The following PTPRD variants were observed in gnomAD, a reference collection of about 807,000 sequenced individuals.
PTPRD encodes protein tyrosine phosphatase receptor type D.
Under a neutral mutation model 214.5 loss-of-function variants are expected in PTPRD, and 34 were observed. The ratio of observed to expected loss-of-function variants is 0.16; its 90% CI spans 0.12 to 0.21. The LOEUF (loss-of-function observed/expected upper bound fraction) is 0.21, where lower values mean the gene tolerates loss of function less well. PTPRD is among the 10% of genes least tolerant of loss of function. The probability of loss-of-function intolerance (pLI) is 1.00; values close to 1 mark genes in which losing one functional copy is unlikely to be tolerated. For synonymous variants in PTPRD, 1,128 were observed against 845.7 expected, an observed-to-expected ratio of 1.33 and a Z score of -5.79; for missense variants, 2,545 against 2,398.7, an observed-to-expected ratio of 1.06 and a Z score of -1.27.
At position 9,984,894 on chromosome 9, in the gene PTPRD, C is replaced by T. The variant is rs188931138; in HGVS notation, c.-471-46284G>A. On this transcript the variant is annotated intron_variant, in intron 4 of 45. Coordinates refer to ENST00000381196, the MANE Select transcript of PTPRD (RefSeq NM_002839.4). ...ACTCTCACACTCCTGACCAACCATG[C>T]ACACCCAAAAACCAAAGGGGAGTGC... Among the ~76,000 whole-genome samples, 438 of 152,226 alleles carry T rather than the reference C, an allele frequency of 2.9e-3. 2 individuals carry two copies. The highest frequency in any genetic ancestry group is 4.7e-3 in the Non-Finnish European group (322 of 67,990).
intron 19 of PTPRD, among the ~76,000 whole-genome samples, chr9:8,523,236 A>T (rs954190442): frequency 8.5e-5 from 13 of 152,130 alleles, no homozygotes; most frequent in African/African-American, 2.9e-4. Context: ...GGGACAGTGG[A>T]GCAGGAAGGA....
chr9:9,489,824 A>AAAG (rs71319284), intron 8 of PTPRD, among the ~76,000 whole-genome samples: 31,869 of 151,890 alleles, frequency 0.21, 3,464 homozygotes, highest in Non-Finnish European at 0.24. Flanking sequence ...AGGAAGAAAA[A>AAAG]AGATGAAAAA....
At chr9:9,853,802 C>T (rs112324038) in intron 5 of PTPRD, among the ~76,000 whole-genome samples, 5,135 of 152,194 alleles carry the variant, frequency 0.034, 94 homozygotes, top group Middle Eastern at 0.061. Flanking sequence ...ATGATCCGCC[C>T]GCCTCAGCCT....
intron 10 of PTPRD, among the ~76,000 whole-genome samples, chr9:9,080,687 T>C (rs775596078): frequency 2.6e-5 from 4 of 152,112 alleles, no homozygotes; most frequent in Non-Finnish European, 4.4e-5. Flanking sequence ...GATTCTAAAC[T>C]GTGTACTACA....
At chr9:8,923,177 G>C (rs1182531940) in intron 11 of PTPRD, among the ~76,000 whole-genome samples, 1 of 151,612 alleles carries the variant, frequency 6.6e-6, no homozygotes, top group Non-Finnish European at 1.5e-5. Flanking sequence ...AAGTAGCTGG[G>C]ATTACAGGCG....
chr9:10,223,295 T>A (rs988423923), intron 3 of PTPRD, among the ~76,000 whole-genome samples: 1 of 151,932 alleles, frequency 6.6e-6, no homozygotes, highest in African/African-American at 2.4e-5. Context: ...TTTGTCCATT[T>A]TATGCCCATG....
rs536198341 is a variant in PTPRD, at chr9:8,770,542, G to A, written c.-103-36596C>T. Among the ~76,000 whole-genome samples the A allele has an allele frequency of 7.3e-4, 111 of 152,252 alleles. 1 individual carries two copies. The South Asian group carries it at 0.014, about 20-fold the overall frequency. ...GATTTAATTATTATTAGACAATGGT[G>A]TAGTCAATCCCTCTAGGAAACTGAC... is the stretch of plus-strand genomic sequence containing the variant. On this transcript the variant is annotated intron_variant, in intron 11 of 45. Transcript: ENST00000381196.
intron 10 of PTPRD, among the ~76,000 whole-genome samples, chr9:9,177,761 T>A (rs2099925797): frequency 6.6e-6 from 1 of 152,134 alleles, no homozygotes; most frequent in Admixed American, 6.6e-5. Context: ...AGGCCGCTAT[T>A]TATAGTAGTC....
intron 3 of PTPRD, among the ~76,000 whole-genome samples, chr9:10,149,171 G>T (rs1324256366): frequency 6.6e-6 from 1 of 152,154 alleles, no homozygotes; most frequent in Non-Finnish European, 1.5e-5. Context: ...CATGAATGTA[G>T]ATATTAATTT....
rs1004712228 is a variant in PTPRD, at chr9:8,643,970, G to A, written c.65-7126C>T. On this transcript the variant is annotated intron_variant, in intron 12 of 45. Transcript: ENST00000381196. ...GGCTGTCAGCCCCACAGACCATAGT[G>A]GGAACTGGTGGTGCCTTTTCTGGGA... is the stretch of plus-strand genomic sequence containing the variant. Among the ~76,000 whole-genome samples the A allele has an allele frequency of 8.5e-5, 13 of 152,182 alleles. No homozygotes were observed. The East Asian group carries it at 2.5e-3, about 30-fold the overall frequency.
intron 2 of PTPRD, among the ~76,000 whole-genome samples, chr9:10,550,576 G>A (rs559795825): frequency 6.6e-6 from 1 of 152,304 alleles, no homozygotes; most frequent in East Asian, 1.9e-4. Context: ...CTGAAAGACA[G>A]GAAGGCTGGT....
At chr9:8,892,195 G>A (rs1231907394) in intron 11 of PTPRD, among the ~76,000 whole-genome samples, 1 of 152,096 alleles carries the variant, frequency 6.6e-6, no homozygotes, top group Non-Finnish European at 1.5e-5. Flanking sequence ...CTTTTCCTCA[G>A]CTTGTGATGG....
chr9:9,399,669 C>A (rs2141282155), intron 8 of PTPRD, among the ~76,000 whole-genome samples: 1 of 152,028 alleles, frequency 6.6e-6, no homozygotes, highest in Non-Finnish European at 1.5e-5. Flanking sequence ...CCATGTGGTT[C>A]TCATGATAGT....
In PTPRD at chr9:9,167,772, A is replaced by G. The variant is rs145717634; in HGVS notation, c.-143+15532T>C. Among the ~76,000 whole-genome samples the G allele has an allele frequency of 2.7e-3, 417 of 152,214 alleles. 1 individual carries two copies. The highest frequency in any genetic ancestry group is 9.8e-3 in the African/African-American group (406 of 41,552). Reference sequence around the variant, plus strand: ...CTCTGTCTTAAATAAATAAATAAATAAGGAGAAAAGTTCATTGTTTTCATC... The same window carrying G: ...CTCTGTCTTAAATAAATAAATAAATGAGGAGAAAAGTTCATTGTTTTCATC... On this transcript the variant is annotated intron_variant, in intron 10 of 45. Transcript: ENST00000381196.
intron 14 of PTPRD, among the ~76,000 whole-genome samples, chr9:8,623,719 G>A (rs901468891): frequency 5.9e-5 from 9 of 151,608 alleles, no homozygotes; most frequent in Non-Finnish European, 1.0e-4. Context: ...TTCTTATCTC[G>A]ACTTGATAGA....
intron 5 of PTPRD, among the ~76,000 whole-genome samples, chr9:9,825,125 T>A (rs981003509): frequency 6.6e-6 from 1 of 152,004 alleles, no homozygotes; most frequent in African/African-American, 2.4e-5. Context: ...ATTTATTTGA[T>A]GAAATACTTT....
chr9:9,076,199 T>C (rs1032971593), intron 10 of PTPRD, among the ~76,000 whole-genome samples: 1 of 152,066 alleles, frequency 6.6e-6, no homozygotes, highest in African/African-American at 2.4e-5. Flanking sequence ...GTTGGCTGCA[T>C]AAATGTCTTC....
At chr9:9,809,425 G>A (rs1052459307) in intron 5 of PTPRD, among the ~76,000 whole-genome samples, 6 of 151,618 alleles carry the variant, frequency 4.0e-5, no homozygotes, top group African/African-American at 1.2e-4. Flanking sequence ...CCACCACCAC[G>A]CCTGGCTAAT....
chr9:8,394,436 T>A (rs1352563674), intron 36 of PTPRD, among the ~76,000 whole-genome samples: 1 of 152,134 alleles, frequency 6.6e-6, no homozygotes, highest in East Asian at 1.9e-4. Context: ...AAGTCACGTG[T>A]GCATTTTAAA....
Sources: allele counts gnomAD v4.1 joint callset (sites outside exome capture counted in the v4.1 genomes callset), GRCh38; gene constraint gnomAD v4.1.1; transcripts MANE v1.5; gene names NCBI Gene and HGNC (gene_info 2026-07-23, HGNC 2026-07-21).